The following CD80 variants were observed in gnomAD, a reference collection of about 807,000 sequenced individuals.
The protein encoded by CD80 is CD80 molecule.
In CD80, 13 loss-of-function variants were observed where a neutral mutation model predicts 27.1. The observed-to-expected ratio is 0.48, with a 90% CI of 0.31 to 0.76. CD80 has a LOEUF of 0.76. Among genes scored for constraint, CD80 ranks in the 30% least tolerant of loss-of-function variants. CD80 has a pLI of 0.04. For missense variants in CD80, 277 were observed against 347.9 expected (o/e 0.80, Z 1.62); for synonymous variants, 125 against 125.5 (o/e 1.00, Z 0.03).
At chr3:119,527,595 T>C in intron 6 of CD80, 138 bp downstream of exon 6, 1 of 538,978 alleles carries the variant, frequency 1.9e-6, no homozygotes, top group East Asian at 3.0e-5. Flanking sequence ...ATGCCAGCCA[T>C]CTTGTAACTG....
chr3:119,529,170 G>A (rs111359458), intron 5 of CD80, among the ~76,000 whole-genome samples: 2,019 of 152,072 alleles, frequency 0.013, 41 homozygotes, highest in South Asian at 0.071. Context: ...GGCCGGTCTC[G>A]AACTCCTGAC....
intron 2 of CD80, among the ~76,000 whole-genome samples, chr3:119,556,389 C>G (rs78271199): frequency 0.04 from 6,020 of 150,366 alleles, 129 homozygotes; most frequent in Middle Eastern, 0.058. Flanking sequence ...TTCTGGGAAG[C>G]CTGTACAAAT....
chr3:119,552,479 A>T (rs1284655517), intron 2 of CD80, among the ~76,000 whole-genome samples: 1 of 134,584 alleles, frequency 7.4e-6, no homozygotes, highest in Non-Finnish European at 1.5e-5. Flanking sequence ...GTGCCACTGC[A>T]CTCCAGCTTG....
chr3:119,532,308 C>T (rs2082115262), intron 4 of CD80, among the ~76,000 whole-genome samples: 1 of 152,026 alleles, frequency 6.6e-6, no homozygotes, highest in Admixed American at 6.6e-5. Flanking sequence ...TCGAGACCAG[C>T]CTGGCCAACA....
intron 2 of CD80, among the ~76,000 whole-genome samples, chr3:119,557,138 G>A (rs976918405): frequency 2.6e-5 from 4 of 152,134 alleles, no homozygotes; most frequent in Non-Finnish European, 5.9e-5. Context: ...ACTTAAGAAG[G>A]TTAAGAAGAT....
At chr3:119,541,768 C>T (rs532427695) in intron 3 of CD80, among the ~76,000 whole-genome samples, 3 of 152,296 alleles carry the variant, frequency 2.0e-5, no homozygotes, top group Non-Finnish European at 2.9e-5. Flanking sequence ...CAAAATTAAG[C>T]GAGTGACCTT....
intron 4 of CD80, among the ~76,000 whole-genome samples, chr3:119,536,320 T>G (rs2082137845): frequency 6.6e-6 from 1 of 152,054 alleles, no homozygotes; most frequent in Non-Finnish European, 1.5e-5. Context: ...ACTTTATTTT[T>G]TAAATTTATT....
At chr3:119,532,500 A>G (rs1197977261) in intron 4 of CD80, among the ~76,000 whole-genome samples, 1 of 38,340 alleles carries the variant, frequency 2.6e-5, no homozygotes, top group African/African-American at 7.8e-5. Flanking sequence ...AAGACAAAGA[A>G]AAAAAAAAAA....
At chr3:119,541,649 A>C (rs995542292) in intron 3 of CD80, among the ~76,000 whole-genome samples, 1 of 152,194 alleles carries the variant, frequency 6.6e-6, no homozygotes, top group Non-Finnish European at 1.5e-5. Context: ...CCCCAGACCT[A>C]CTGAACTTAA....
intron 4 of CD80, among the ~76,000 whole-genome samples, chr3:119,535,931 G>A (rs147099707): frequency 7.9e-5 from 12 of 152,238 alleles, no homozygotes; most frequent in African/African-American, 2.9e-4. Context: ...ATGGTTTTTA[G>A]TATATATAAA....
chr3:119,554,093 C>T (rs1472861484), intron 2 of CD80, among the ~76,000 whole-genome samples: 1 of 152,220 alleles, frequency 6.6e-6, no homozygotes, highest in Non-Finnish European at 1.5e-5. Flanking sequence ...ATACTCTGTA[C>T]CATCTGATCC....
rs1247681670 is a variant in CD80 at position 119,537,372 on chromosome 3, A to T, written c.465T>A (p.Ser155=). The change falls in exon 4 of 7, where the codon TCT becomes TCA. Residue 155 remains serine (S), a synonymous_variant. Transcript: ENST00000264246. ...TTGAGCAAATTATCCTTCTAATATT[A>T]GAAGTTGGAATTTCAAAGTCAGATA... The part of the protein sequence containing the change: ...PSISDFEIPT[S]NIRRIICSTS... 26 of 1,612,828 alleles carry T rather than the reference A, an allele frequency of 1.6e-5. No homozygotes were observed. The highest frequency in any genetic ancestry group is 6.7e-5 in the Admixed American group (4 of 60,008).
intron 2 of CD80, among the ~76,000 whole-genome samples, chr3:119,547,716 T>A (rs560983091): frequency 6.6e-6 from 1 of 152,324 alleles, no homozygotes; most frequent in East Asian, 1.9e-4. Flanking sequence ...GGTTGTCACT[T>A]CCTTTACCTA....
intron 1 of CD80, among the ~76,000 whole-genome samples, chr3:119,558,759 C>A (rs546331690): frequency 1.4e-4 from 18 of 129,690 alleles, no homozygotes; most frequent in African/African-American, 4.5e-4. Context: ...GAGTGAGACT[C>A]CATCTCAAAA....
intron 2 of CD80, among the ~76,000 whole-genome samples, chr3:119,551,938 G>A (rs1214453365): frequency 6.6e-6 from 1 of 152,236 alleles, no homozygotes; most frequent in African/African-American, 2.4e-5. Flanking sequence ...GCAGCAGTCA[G>A]AAAGGGCCAG....
At chr3:119,556,020 G>A (rs1351912829) in intron 2 of CD80, among the ~76,000 whole-genome samples, 1 of 152,076 alleles carries the variant, frequency 6.6e-6, no homozygotes, top group African/African-American at 2.4e-5. Flanking sequence ...TACAATCAGG[G>A]CAAAGCATTT....
chr3:119,529,685 AACTTGTTGAG>A, intron 5 of CD80, among the ~76,000 whole-genome samples, 147 bp downstream of exon 5: 1 of 152,294 alleles, frequency 6.6e-6, no homozygotes, highest in Non-Finnish European at 1.5e-5. Context: ...GAATGAACAG[AACTTGTTGAG>A]ACAAGTAAAG....
At chr3:119,550,743 C>G (rs553531870) in intron 2 of CD80, among the ~76,000 whole-genome samples, 5 of 152,166 alleles carry the variant, frequency 3.3e-5, no homozygotes, top group Non-Finnish European at 5.9e-5. Context: ...ACCTACCCAA[C>G]CCAGTGGGTG....
chr3:119,534,381 A>G (rs1016074537), intron 4 of CD80, among the ~76,000 whole-genome samples: 2 of 150,440 alleles, frequency 1.3e-5, no homozygotes, highest in Non-Finnish European at 3.0e-5. Context: ...TCAAAAAAAA[A>G]AAAAAGAAAA....
Sources: gnomAD v4.1 joint callset for allele counts (sites outside exome capture counted in the v4.1 genomes callset) on GRCh38, gnomAD v4.1.1 for gene constraint, MANE v1.5 for transcripts, NCBI Gene and HGNC (gene_info 2026-07-23, HGNC 2026-07-21) for gene names.